CCSER2: variants seen among roughly 807,000 people sequenced by gnomAD.
CCSER2 encodes coiled-coil serine rich protein 2.
A neutral mutation model predicts 92.3 loss-of-function variants in CCSER2; 46 were observed. The observed-to-expected ratio is 0.50, with a 90% CI of 0.39 to 0.64. The LOEUF (loss-of-function observed/expected upper bound fraction) is 0.64. Among genes scored for constraint, CCSER2 ranks in the 30% least tolerant of loss-of-function variants. The probability of loss-of-function intolerance (pLI) is 0.00; values close to 1 mark genes in which losing one functional copy is unlikely to be tolerated. For synonymous variants in CCSER2, 433 were observed against 431.4 expected, an observed-to-expected ratio of 1.00 and a Z score of -0.04; for missense variants, 1,244 against 1,238.9, an observed-to-expected ratio of 1.00 and a Z score of -0.06.
intron 9 of CCSER2, among the ~76,000 whole-genome samples, chr10:84,483,790 CTTT>C (rs778893851): frequency 7.4e-6 from 1 of 134,536 alleles, no homozygotes; most frequent in Non-Finnish European, 1.6e-5. Flanking sequence ...TTTTTCTTTT[CTTT>C]TTTTTTTTTT....
At chr10:84,445,063 C>T (rs1003139534) in intron 6 of CCSER2, among the ~76,000 whole-genome samples, 1 of 152,128 alleles carries the variant, frequency 6.6e-6, no homozygotes, top group East Asian at 1.9e-4. Context: ...TAGTTTATTG[C>T]CTGATTTAGA....
rs1589580316 is a variant in CCSER2 at position 84,409,269 on chromosome 10, G to T, written c.1615-8502G>T. Among the ~76,000 whole-genome samples, 10 of 152,058 alleles carry T rather than the reference G, an allele frequency of 6.6e-5. 4 individuals are homozygous for T. The highest frequency in any genetic ancestry group is 6.5e-4 in the Admixed American group (10 of 15,274). ...GCCTCTCAAAGTGCTGGGATTATAG[G>T]CATGAGCCACCGCGCCTGGCCTATT... On this transcript the variant is annotated intron_variant, in intron 3 of 9. Coordinates refer to ENST00000372088, the MANE Select transcript of CCSER2 (RefSeq NM_001284240.2).
Position 84,463,941 on chromosome 10 carries a change from A to G in CCSER2, c.2073A>G (p.Gly691=), listed in dbSNP as rs754150874. 1.2e-6 allele frequency: 2 copies of G among 1,605,324 alleles called. No individual in the cohort carries two copies. The highest frequency in any genetic ancestry group is 1.7e-6 in the Non-Finnish European group (2 of 1,172,614). The part of the protein sequence containing the change: ...KLKRLLHQHD[G]SGSLHDIQLS... ...TCCCTTCTTTCTGACAGCATGATGG[A>G]AGTGGTTCATTGCATGATATTCAAC... is the stretch of plus-strand genomic sequence containing the variant. Residue 691 remains glycine (G), a synonymous_variant, in exon 7 of 10, where the codon GGA becomes GGG. Coordinates refer to ENST00000372088, the MANE Select transcript of CCSER2 (RefSeq NM_001284240.2).
chr10:84,338,785 A>G (rs1843995385), intron 1 of CCSER2, among the ~76,000 whole-genome samples: 1 of 152,160 alleles, frequency 6.6e-6, no homozygotes. Context: ...TTTTACTGTA[A>G]CTGCTTATGA....
chr10:84,464,095 A>G (rs1846255966), intron 7 of CCSER2, 79 bp downstream of exon 7: 2 of 732,212 alleles, frequency 2.7e-6, no homozygotes, highest in East Asian at 5.6e-5. Context: ...AATGAAAACA[A>G]TAATAAATGT....
chr10:84,422,536 A>G (rs1843201237), intron 4 of CCSER2, among the ~76,000 whole-genome samples: 1 of 152,080 alleles, frequency 6.6e-6, no homozygotes, highest in Non-Finnish European at 1.5e-5. Context: ...CAGAAGGCCT[A>G]TATTTTTCTC....
At chr10:84,384,306 T>C (rs1214256443) in intron 3 of CCSER2, among the ~76,000 whole-genome samples, 2 of 152,074 alleles carry the variant, frequency 1.3e-5, no homozygotes, top group Non-Finnish European at 2.9e-5. Flanking sequence ...TACCCAAATC[T>C]GGCATGGACA....
intron 8 of CCSER2, among the ~76,000 whole-genome samples, chr10:84,472,269 A>T (rs1846855464): frequency 6.6e-6 from 1 of 152,148 alleles, no homozygotes; most frequent in African/African-American, 2.4e-5. Context: ...ATAAGGCTGA[A>T]CATAAAAGAT....
At chr10:84,385,513 A>C (rs1190740032) in intron 3 of CCSER2, among the ~76,000 whole-genome samples, 3 of 152,170 alleles carry the variant, frequency 2.0e-5, no homozygotes, top group Non-Finnish European at 4.4e-5. Flanking sequence ...GGGAAAGGAC[A>C]CCCTATTCAG....
At chr10:84,397,448 A>G (rs1841904424) in intron 3 of CCSER2, among the ~76,000 whole-genome samples, 1 of 152,242 alleles carries the variant, frequency 6.6e-6, no homozygotes, top group African/African-American at 2.4e-5. Context: ...GTTTGAGGAC[A>G]GAAAATTGAA....
At chr10:84,424,836 A>G in intron 4 of CCSER2, 1 of 163,678 alleles carries the variant, frequency 6.1e-6, no homozygotes, top group Non-Finnish European at 1.3e-5. Flanking sequence ...GTCCTAAGTC[A>G]GTAGCTATGT....
chr10:84,331,259 C>T (rs1217034864), intron 1 of CCSER2, among the ~76,000 whole-genome samples: 2 of 152,102 alleles, frequency 1.3e-5, no homozygotes, highest in African/African-American at 4.8e-5. Flanking sequence ...AAGGAGCTGC[C>T]AGTTTTTCAG....
At chr10:84,354,645 C>T (rs1275571341) in intron 1 of CCSER2, among the ~76,000 whole-genome samples, 1 of 149,044 alleles carries the variant, frequency 6.7e-6, no homozygotes, top group African/African-American at 2.5e-5. Flanking sequence ...GGTGACCTCA[C>T]TTGTTTTTGG....
chr10:84,403,840 G>GA (rs879354983), intron 3 of CCSER2, among the ~76,000 whole-genome samples: 5 of 152,104 alleles, frequency 3.3e-5, no homozygotes, highest in South Asian at 2.1e-4. Flanking sequence ...GGTTCAGCTG[G>GA]AAAAAATATA....
At chr10:84,343,252 A>G (rs946658860) in intron 1 of CCSER2, among the ~76,000 whole-genome samples, 1 of 152,178 alleles carries the variant, frequency 6.6e-6, no homozygotes, top group East Asian at 1.9e-4. Flanking sequence ...ATCTTAGTTA[A>G]TGATACTGCC....
At chr10:84,478,684 C>G (rs1468024708) in intron 9 of CCSER2, among the ~76,000 whole-genome samples, 2 of 152,096 alleles carry the variant, frequency 1.3e-5, no homozygotes, top group Non-Finnish European at 2.9e-5. Context: ...GAAGGAAATA[C>G]AGACAAATAA....
At chr10:84,494,493 G>A (rs2131816014) in intron 9 of CCSER2, among the ~76,000 whole-genome samples, 1 of 152,196 alleles carries the variant, frequency 6.6e-6, no homozygotes, top group Admixed American at 6.5e-5. Flanking sequence ...TGGGAATGTA[G>A]TCCAGCTGGT....
chr10:84,472,448 G>A (rs1015626739), intron 8 of CCSER2, among the ~76,000 whole-genome samples: 2 of 152,124 alleles, frequency 1.3e-5, no homozygotes, highest in African/African-American at 2.4e-5. Context: ...GTTCACGCCT[G>A]TAGTCCCCAG....
At chr10:84,509,488 A>G (rs1849238377) in intron 9 of CCSER2, among the ~76,000 whole-genome samples, 1 of 152,220 alleles carries the variant, frequency 6.6e-6, no homozygotes, top group African/African-American at 2.4e-5. Flanking sequence ...GATGTCTACC[A>G]AGCCTTTGCA....
Sources: allele counts gnomAD v4.1 joint callset (sites outside exome capture counted in the v4.1 genomes callset), GRCh38; gene constraint gnomAD v4.1.1; transcripts MANE v1.5; gene names NCBI Gene and HGNC (gene_info 2026-07-23, HGNC 2026-07-21).